TRDN: variants seen among roughly 807,000 people sequenced by gnomAD.
TRDN encodes the protein triadin.
Under a neutral mutation model 149.7 loss-of-function variants are expected in TRDN, and 161 were observed. The ratio of observed to expected loss-of-function variants is 1.08; its 90% CI spans 0.95 to 1.23. The LOEUF (loss-of-function observed/expected upper bound fraction) is 1.23. Ranked by LOEUF, TRDN falls within the 50% of genes most tolerant of loss-of-function variation. The probability of loss-of-function intolerance (pLI) is 0.00; values close to 1 mark genes in which losing one functional copy is unlikely to be tolerated. For synonymous variants in TRDN, 294 were observed against 250.5 expected (o/e 1.17, Z -1.64); for missense variants, 896 against 823.5 (o/e 1.09, Z -1.08).
At chr6:123,524,227 T>C (rs754706924) in intron 5 of TRDN, among the ~76,000 whole-genome samples, 2 of 152,152 alleles carry the variant, frequency 1.3e-5, no homozygotes, top group African/African-American at 2.4e-5. Flanking sequence ...TACAGACAGG[T>C]GCAGACATTT....
At chr6:123,406,489 C>T (rs2114499935) in intron 12 of TRDN, among the ~76,000 whole-genome samples, 2 of 151,970 alleles carry the variant, frequency 1.3e-5, no homozygotes, top group Middle Eastern at 3.4e-3. Flanking sequence ...AAAATAATGC[C>T]ATTTTTCCTT....
chr6:123,527,083 T>C (rs1195041272), intron 5 of TRDN, among the ~76,000 whole-genome samples: 1 of 152,006 alleles, frequency 6.6e-6, no homozygotes, highest in Non-Finnish European at 1.5e-5. Context: ...AGCCAGAAGT[T>C]ACCAAATTTG....
chr6:123,272,055 T>TC (rs1434411639), intron 29 of TRDN, among the ~76,000 whole-genome samples: 1 of 151,920 alleles, frequency 6.6e-6, no homozygotes, highest in Non-Finnish European at 1.5e-5. Context: ...CTCTCCACAC[T>TC]CCAGCCCTGC....
At chr6:123,313,764 A>G (rs968350228) in intron 24 of TRDN, among the ~76,000 whole-genome samples, 16 of 152,042 alleles carry the variant, frequency 1.1e-4, no homozygotes, top group African/African-American at 3.9e-4. Context: ...TCCCTATTCA[A>G]TAAATGGTGC....
At chr6:123,586,328 A>C (rs894910337) in intron 1 of TRDN, among the ~76,000 whole-genome samples, 3 of 151,626 alleles carry the variant, frequency 2.0e-5, no homozygotes, top group Non-Finnish European at 4.4e-5. Context: ...ATTGGGACCT[A>C]GCTCGGCCTG....
intron 4 of TRDN, among the ~76,000 whole-genome samples, chr6:123,545,482 T>A (rs2114421390): frequency 6.6e-6 from 1 of 152,080 alleles, no homozygotes; most frequent in African/African-American, 2.4e-5. Flanking sequence ...TTGAATTCAC[T>A]TTCAACTAAG....
chr6:123,267,503 A>G (rs1777054546), intron 32 of TRDN, among the ~76,000 whole-genome samples: 1 of 152,118 alleles, frequency 6.6e-6, no homozygotes, highest in Non-Finnish European at 1.5e-5. Flanking sequence ...ATTTTGCTCT[A>G]TCATAATTGC....
chr6:123,259,171 C>T (rs1398197645), intron 35 of TRDN, among the ~76,000 whole-genome samples: 1 of 151,872 alleles, frequency 6.6e-6, no homozygotes, highest in Non-Finnish European at 1.5e-5. Flanking sequence ...TATTTCTTGT[C>T]TTCTGCTAGC....
intron 1 of TRDN, among the ~76,000 whole-genome samples, chr6:123,605,661 G>T (rs192161056): frequency 2.6e-5 from 4 of 151,766 alleles, no homozygotes; most frequent in Admixed American, 6.6e-5. Flanking sequence ...CTACTCAGGA[G>T]ACTGAGGCAG....
At chr6:123,546,575 T>C (rs889301460) in intron 4 of TRDN, among the ~76,000 whole-genome samples, 18 of 152,196 alleles carry the variant, frequency 1.2e-4, no homozygotes, top group African/African-American at 3.1e-4. Context: ...CTGGCTTGAA[T>C]GTTGGCTGTT....
intron 24 of TRDN, among the ~76,000 whole-genome samples, chr6:123,290,223 T>C (rs1374924045): frequency 1.3e-5 from 2 of 152,074 alleles, no homozygotes; most frequent in African/African-American, 4.8e-5. Flanking sequence ...CCACACCTAT[T>C]GAGGCAAACA....
In TRDN at chr6:123,298,161, A is replaced by G. The variant is rs186068141; in HGVS notation, c.1510+18296T>C. On this transcript the variant is annotated intron_variant, in intron 24 of 40. Coordinates refer to ENST00000334268, the MANE Select transcript of TRDN (RefSeq NM_006073.4). Reference sequence around the variant, plus strand: ...AAATAGTACATAAGCATGGTTAGTTAAAAGAAAGAAAAACCGGGGATTGGG... The same window carrying G: ...AAATAGTACATAAGCATGGTTAGTTGAAAGAAAGAAAAACCGGGGATTGGG... Among the ~76,000 whole-genome samples the G allele has an allele frequency of 4.4e-4, 67 of 152,210 alleles. No individual in the cohort carries two copies. In the East Asian group the frequency reaches 0.013, roughly 29 times the overall value.
chr6:123,444,964 T>G (rs1445027777), intron 10 of TRDN: 1 of 152,212 alleles, frequency 6.6e-6, no homozygotes, highest in East Asian at 1.9e-4. Flanking sequence ...TCATCAAGGA[T>G]ATTGGTCTAA....
chr6:123,608,516 T>C (rs1784629259), intron 1 of TRDN, among the ~76,000 whole-genome samples: 1 of 152,160 alleles, frequency 6.6e-6, no homozygotes, highest in Non-Finnish European at 1.5e-5. Flanking sequence ...TATATGGTTA[T>C]AACTCATTTG....
intron 1 of TRDN, among the ~76,000 whole-genome samples, chr6:123,590,211 T>C (rs1783712499): frequency 1.3e-5 from 2 of 152,128 alleles, no homozygotes; most frequent in Admixed American, 6.5e-5. Context: ...AGGGCTTGCA[T>C]TACCGCCTGA....
At chr6:123,231,995 C>A (rs978543940) in intron 38 of TRDN, among the ~76,000 whole-genome samples, 1 of 151,682 alleles carries the variant, frequency 6.6e-6, no homozygotes, top group African/African-American at 2.4e-5. Flanking sequence ...AGACAAAGGG[C>A]GAAGTTAGGA....
chr6:123,264,082 G>A (rs186092782), intron 33 of TRDN, among the ~76,000 whole-genome samples: 1 of 152,166 alleles, frequency 6.6e-6, no homozygotes, highest in Non-Finnish European at 1.5e-5. Context: ...ACATTCTGCA[G>A]CCCGTGGGAC....
intron 21 of TRDN, among the ~76,000 whole-genome samples, chr6:123,338,235 G>T (rs1355181661): frequency 6.6e-6 from 1 of 152,060 alleles, no homozygotes; most frequent in South Asian, 2.1e-4. Flanking sequence ...CTTGACAAGG[G>T]AAAGAAATTA....
intron 37 of TRDN, 98 bp from the exon 38 acceptor site, chr6:123,252,533 C>A: frequency 1.6e-6 from 1 of 621,684 alleles, no homozygotes; most frequent in South Asian, 2.7e-5. Context: ...TATTTTGTTT[C>A]TTGCTTATTA....
Sources: gnomAD v4.1 joint callset for allele counts (sites outside exome capture counted in the v4.1 genomes callset) on GRCh38, gnomAD v4.1.1 for gene constraint, MANE v1.5 for transcripts, NCBI Gene and HGNC (gene_info 2026-07-23, HGNC 2026-07-21) for gene names.